The following PAPSS1 variants were observed in gnomAD, a reference collection of about 807,000 sequenced individuals.
PAPSS1 encodes the protein bifunctional 3'-phosphoadenosine 5'-phosphosulfate synthase 1.
A neutral mutation model predicts 72.0 loss-of-function variants in PAPSS1; 50 were observed. The observed-to-expected ratio is 0.69, with a 90% CI of 0.55 to 0.88. The LOEUF (loss-of-function observed/expected upper bound fraction) is 0.88, where lower values mean the gene tolerates loss of function less well. Among genes scored for constraint, PAPSS1 ranks in the 40% least tolerant of loss-of-function variants. The probability of loss-of-function intolerance (pLI) is 0.00; values close to 1 mark genes in which losing one functional copy is unlikely to be tolerated. For synonymous variants in PAPSS1, 261 were observed against 263.6 expected, an observed-to-expected ratio of 0.99 and a Z score of 0.09; for missense variants, 657 against 782.2, an observed-to-expected ratio of 0.84 and a Z score of 1.91.
chr4:107,644,915 A>G lies in PAPSS1; in HGVS notation c.1393T>C (p.Leu465=). 6.2e-7 allele frequency: 1 copy of G among 1,614,090 alleles called. No individual in the cohort carries two copies. Among genetic ancestry groups the G allele is most frequent in the Non-Finnish European group, 8.5e-7 (1 of 1,179,958 alleles). The change falls in exon 10 of 12, where the codon TTG becomes CTG. Residue 465 remains leucine (L), a synonymous_variant. Transcript: ENST00000265174. ...GGWTKDDDVP[L]MWRMKQHAAV... ...GCATGCTGCTTCATACGCCACATCA[A>G]AGGAACATCGTCATCCTTTGTCCAG...
At chr4:107,658,449 T>G (rs1727078414) in intron 6 of PAPSS1, among the ~76,000 whole-genome samples, 1 of 151,896 alleles carries the variant, frequency 6.6e-6, no homozygotes, top group Non-Finnish European at 1.5e-5. Flanking sequence ...TTACAAAGAC[T>G]ATTATTTCTT....
chr4:107,669,529 T>G (rs1727417646), intron 5 of PAPSS1, among the ~76,000 whole-genome samples: 1 of 152,190 alleles, frequency 6.6e-6, no homozygotes, highest in African/African-American at 2.4e-5. Flanking sequence ...GAATGTTTAT[T>G]GCTTAATTCA....
At chr4:107,673,953 C>T (rs1365871415) in intron 5 of PAPSS1, among the ~76,000 whole-genome samples, 2 of 152,100 alleles carry the variant, frequency 1.3e-5, no homozygotes, top group African/African-American at 2.4e-5. Context: ...AACTAAGCTT[C>T]ATAAGTGAAG....
chr4:107,653,403 G>A (rs1302416890), intron 9 of PAPSS1, 88 bp downstream of exon 9: 10 of 1,273,542 alleles, frequency 7.9e-6, no homozygotes, highest in African/African-American at 1.5e-5. Flanking sequence ...TGTACTCATC[G>A]TTTTACATTT....
At chr4:107,682,994 A>G (rs1251405430) in intron 4 of PAPSS1, among the ~76,000 whole-genome samples, 2 of 152,222 alleles carry the variant, frequency 1.3e-5, no homozygotes, top group African/African-American at 4.8e-5. Flanking sequence ...GTGTTACCAT[A>G]TAACTGCTAA....
At chr4:107,665,689 G>C (rs996226430) in intron 5 of PAPSS1, among the ~76,000 whole-genome samples, 15 of 152,238 alleles carry the variant, frequency 9.9e-5, no homozygotes, top group African/African-American at 3.4e-4. Context: ...TCCGTAACCT[G>C]TAAGTCTAGA....
intron 5 of PAPSS1, among the ~76,000 whole-genome samples, chr4:107,670,247 A>C (rs1249854533): frequency 1.3e-5 from 2 of 152,226 alleles, no homozygotes; most frequent in African/African-American, 4.8e-5. Context: ...ATATCCTTGA[A>C]TGAAACTGTC....
chr4:107,621,845 G>T (rs1457648241), intron 11 of PAPSS1, among the ~76,000 whole-genome samples: 2 of 151,544 alleles, frequency 1.3e-5, no homozygotes, highest in Non-Finnish European at 1.5e-5. Flanking sequence ...AGCCAGGATG[G>T]TCTTGATCTC....
At chr4:107,715,012 A>C (rs1029896401) in intron 1 of PAPSS1, among the ~76,000 whole-genome samples, 31 of 152,152 alleles carry the variant, frequency 2.0e-4, no homozygotes, top group Non-Finnish European at 2.1e-4. Context: ...TGAATACATA[A>C]ACACACAGAT....
chr4:107,665,760 G>A (rs1334203089), intron 5 of PAPSS1, among the ~76,000 whole-genome samples: 8 of 152,068 alleles, frequency 5.3e-5, no homozygotes, highest in East Asian at 3.8e-4. Flanking sequence ...TACCCAGAAC[G>A]TTGTTTGACT....
chr4:107,657,068 G>T, intron 6 of PAPSS1, 61 bp from the exon 7 acceptor site: 1 of 1,020,514 alleles, frequency 9.8e-7, no homozygotes, highest in African/African-American at 1.6e-5. Flanking sequence ...CAAAAGCAGT[G>T]ATGACCTTTA....
At chr4:107,653,086 T>C (rs1726894708) in intron 9 of PAPSS1, among the ~76,000 whole-genome samples, 2 of 148,830 alleles carry the variant, frequency 1.3e-5, no homozygotes, top group Admixed American at 1.4e-4. Flanking sequence ...CATATATGAA[T>C]ATATATGAAT....
chr4:107,660,609 G>A (rs890747727), intron 5 of PAPSS1, among the ~76,000 whole-genome samples: 6 of 152,054 alleles, frequency 3.9e-5, no homozygotes. Context: ...TTTTATCCAA[G>A]CTCCATATAC....
At chr4:107,637,647 C>A (rs971092784) in intron 10 of PAPSS1, among the ~76,000 whole-genome samples, 16 of 152,142 alleles carry the variant, frequency 1.1e-4, no homozygotes, top group Admixed American at 2.0e-4. Flanking sequence ...CCAAAATCTG[C>A]ATTTATTTAA....
intron 3 of PAPSS1, among the ~76,000 whole-genome samples, chr4:107,691,627 A>G (rs1722919780): frequency 1.3e-5 from 2 of 152,222 alleles, no homozygotes; most frequent in Non-Finnish European, 2.9e-5. Context: ...GTTTGGAGGC[A>G]GCATAGCATC....
intron 1 of PAPSS1, among the ~76,000 whole-genome samples, chr4:107,716,359 T>C (rs536027104): frequency 6.6e-6 from 1 of 152,316 alleles, no homozygotes. Flanking sequence ...GAAAGGCTTG[T>C]GTAAAACCAT....
At chr4:107,669,344 T>C (rs1023297267) in intron 5 of PAPSS1, among the ~76,000 whole-genome samples, 3 of 152,076 alleles carry the variant, frequency 2.0e-5, no homozygotes, top group Non-Finnish European at 2.9e-5. Context: ...CAAAAGAAAA[T>C]AAAAGACAGA....
At chr4:107,647,632 T>C (rs548307546) in intron 9 of PAPSS1, among the ~76,000 whole-genome samples, 70 of 152,314 alleles carry the variant, frequency 4.6e-4, no homozygotes, top group African/African-American at 1.5e-3. Flanking sequence ...CCTGAAAGCA[T>C]GGTCTTTTGT....
intron 6 of PAPSS1, among the ~76,000 whole-genome samples, chr4:107,658,987 C>A (rs1365526709): frequency 6.6e-6 from 1 of 152,232 alleles, no homozygotes; most frequent in African/African-American, 2.4e-5. Flanking sequence ...TTTCTGGATT[C>A]TAGAATCTGA....
Sources: gnomAD v4.1 joint callset for allele counts (sites outside exome capture counted in the v4.1 genomes callset) on GRCh38, gnomAD v4.1.1 for gene constraint, MANE v1.5 for transcripts, NCBI Gene and HGNC (gene_info 2026-07-23, HGNC 2026-07-21) for gene names.